The following CNTN3 variants were observed in gnomAD, a reference collection of about 807,000 sequenced individuals.
CNTN3 encodes contactin-3.
In CNTN3, 60 loss-of-function variants were observed where a neutral mutation model predicts 119.1. The ratio of observed to expected loss-of-function variants is 0.50; its 90% CI spans 0.41 to 0.62. The LOEUF (loss-of-function observed/expected upper bound fraction) is 0.62. CNTN3 is among the 20% of genes least tolerant of loss of function. The pLI is 0.00. For missense variants in CNTN3, 1,101 were observed against 1,242.4 expected (o/e 0.89, Z 1.71); for synonymous variants, 450 against 438.7 (o/e 1.03, Z -0.32).
chr3:74,536,074 A>C (rs893043293), intron 1 of CNTN3, among the ~76,000 whole-genome samples: 1 of 152,140 alleles, frequency 6.6e-6, no homozygotes, highest in Non-Finnish European at 1.5e-5. Flanking sequence ...ACTGAGAGAC[A>C]GGACGCATCT....
intron 3 of CNTN3, among the ~76,000 whole-genome samples, chr3:74,498,197 A>C (rs1703098884): frequency 6.6e-6 from 1 of 151,932 alleles, no homozygotes; most frequent in South Asian, 2.1e-4. Context: ...TATGAGAATA[A>C]TCTTTCATTT....
In CNTN3 at chr3:74,533,523, G is replaced by A. The variant is rs548897506; in HGVS notation, c.-80-12331C>T. Reference sequence around the variant, plus strand: ...ATACTCTAACTGCTTTTATAAATATGCACACATGTTATGTCATTTACTACC... The same window carrying A: ...ATACTCTAACTGCTTTTATAAATATACACACATGTTATGTCATTTACTACC... On this transcript the variant is annotated intron_variant, in intron 1 of 22. Coordinates refer to ENST00000263665, the MANE Select transcript of CNTN3 (RefSeq NM_020872.3). 1.1e-4 allele frequency among the ~76,000 whole-genome samples: 17 copies of A among 152,022 alleles called. No individual in the cohort carries two copies. The East Asian group carries it at 3.3e-3, about 30-fold the overall frequency.
At chr3:74,358,795 A>G (rs1264284306) in intron 11 of CNTN3, among the ~76,000 whole-genome samples, 5 of 120,586 alleles carry the variant, frequency 4.1e-5, no homozygotes, top group South Asian at 2.6e-4. Flanking sequence ...AGAGTGTGAT[A>G]TTCCCCTTTC....
chr3:74,491,789 T>G (rs1323389850), intron 3 of CNTN3, among the ~76,000 whole-genome samples: 1 of 152,198 alleles, frequency 6.6e-6, no homozygotes, highest in Non-Finnish European at 1.5e-5. Flanking sequence ...ATTACAAATT[T>G]CTACTTTTAC....
At chr3:74,562,816 A>C (rs968022081) in intron 1 of CNTN3, among the ~76,000 whole-genome samples, 11 of 150,524 alleles carry the variant, frequency 7.3e-5, no homozygotes, top group African/African-American at 2.5e-4. Flanking sequence ...TAGTTCAGAC[A>C]GAAGAAAAAA....
chr3:74,288,041 C>A (rs1277850073), intron 19 of CNTN3, among the ~76,000 whole-genome samples: 1 of 151,912 alleles, frequency 6.6e-6, no homozygotes, highest in African/African-American at 2.4e-5. Flanking sequence ...ACAGTGAATT[C>A]TTTGCCCGAT....
At chr3:74,364,719 G>A in intron 9 of CNTN3, 123 bp from the exon 10 acceptor site, 2 of 722,774 alleles carry the variant, frequency 2.8e-6, no homozygotes, top group Non-Finnish European at 4.4e-6. Context: ...TAGACAGGAT[G>A]GCCTGAAATT....
intron 4 of CNTN3, among the ~76,000 whole-genome samples, chr3:74,449,945 A>G (rs1179292119): frequency 6.6e-6 from 1 of 152,188 alleles, no homozygotes; most frequent in African/African-American, 2.4e-5. Context: ...AAAGCATGTT[A>G]AAGTACATTT....
chr3:74,506,856 T>C (rs1703270651), intron 2 of CNTN3, among the ~76,000 whole-genome samples: 1 of 152,122 alleles, frequency 6.6e-6, no homozygotes, highest in African/African-American at 2.4e-5. Flanking sequence ...ATTAATCAAC[T>C]CTTTTTAAAA....
At chr3:74,522,277 A>T (rs1045370702) in intron 1 of CNTN3, among the ~76,000 whole-genome samples, 23 of 151,900 alleles carry the variant, frequency 1.5e-4, no homozygotes, top group Non-Finnish European at 2.4e-4. Flanking sequence ...GGTAGGTTGT[A>T]AGAGATGGAA....
intron 19 of CNTN3, among the ~76,000 whole-genome samples, chr3:74,290,811 C>A (rs1459562107): frequency 6.6e-6 from 1 of 152,102 alleles, no homozygotes; most frequent in Admixed American, 6.5e-5. Flanking sequence ...CCTGCCTCAG[C>A]CTCCTGAGTA....
intron 5 of CNTN3, among the ~76,000 whole-genome samples, chr3:74,380,356 C>T (rs191423165): frequency 6.0e-4 from 91 of 152,296 alleles, no homozygotes; most frequent in Non-Finnish European, 1.1e-3. Context: ...TAAATTTACG[C>T]CAAACCCTTT....
At chr3:74,284,277 G>A (rs1240603461) in intron 20 of CNTN3, among the ~76,000 whole-genome samples, 1 of 152,084 alleles carries the variant, frequency 6.6e-6, no homozygotes, top group Non-Finnish European at 1.5e-5. Flanking sequence ...AATGAAATTA[G>A]CAACCAAGCA....
At chr3:74,557,869 A>G (rs4677414) in intron 1 of CNTN3, among the ~76,000 whole-genome samples, 139,308 of 151,978 alleles carry the variant, frequency 0.92, 63,879 homozygotes, top group East Asian at 0.93. Context: ...TCCCTGGTAA[A>G]TTTTTCCAGG....
At chr3:74,433,271 C>T (rs917097584) in intron 4 of CNTN3, among the ~76,000 whole-genome samples, 1 of 152,094 alleles carries the variant, frequency 6.6e-6, no homozygotes, top group African/African-American at 2.4e-5. Flanking sequence ...AGAGCTTCTA[C>T]TATGAACCTG....
intron 4 of CNTN3, among the ~76,000 whole-genome samples, chr3:74,459,101 T>C (rs56135242): frequency 6.6e-6 from 1 of 152,150 alleles, no homozygotes; most frequent in East Asian, 1.9e-4. Context: ...CCAGACTGAC[T>C]GGACTCCTCA....
chr3:74,370,067 T>G (rs1476270039), intron 6 of CNTN3, 76 bp from the exon 7 acceptor site: 2 of 810,210 alleles, frequency 2.5e-6, no homozygotes, highest in African/African-American at 3.6e-5. Flanking sequence ...AATAAAACTT[T>G]CTTTTGCTCC....
intron 4 of CNTN3, among the ~76,000 whole-genome samples, chr3:74,474,817 C>A (rs763359434): frequency 2.6e-5 from 4 of 152,130 alleles, no homozygotes; most frequent in Non-Finnish European, 5.9e-5. Flanking sequence ...GATCATCCCT[C>A]TTGGTATTGT....
chr3:74,582,783 T>TTG (rs60306845), intron 1 of CNTN3, among the ~76,000 whole-genome samples: 24,294 of 144,948 alleles, frequency 0.17, 1,962 homozygotes, highest in East Asian at 0.32. Flanking sequence ...GTGTATGCAT[T>TTG]TGTGTGTGTG....
Sources: gnomAD v4.1 joint callset for allele counts (sites outside exome capture counted in the v4.1 genomes callset) on GRCh38, gnomAD v4.1.1 for gene constraint, MANE v1.5 for transcripts, NCBI Gene and HGNC (gene_info 2026-07-23, HGNC 2026-07-21) for gene names.